CDH13: variants seen among roughly 807,000 people sequenced by gnomAD.
The protein encoded by CDH13 is cadherin-13.
CDH13 carries 24 observed loss-of-function variants against 63.8 expected under a neutral mutation model. The ratio of observed to expected loss-of-function variants is 0.38; its 90% confidence interval spans 0.27 to 0.53. CDH13 has a LOEUF of 0.53. CDH13 is among the 20% of genes least tolerant of loss of function. The pLI, the probability that CDH13 is intolerant of heterozygous loss-of-function variation, is 0.85. For missense variants in CDH13, 1,049 were observed against 903.1 expected, an observed-to-expected ratio of 1.16 and a Z score of -2.07; for synonymous variants, 503 against 355.3, an observed-to-expected ratio of 1.42 and a Z score of -4.67.
chr16:82,893,830 T>C (rs966469870), intron 2 of CDH13, among the ~76,000 whole-genome samples: 51 of 152,292 alleles, frequency 3.3e-4, no homozygotes, highest in African/African-American at 1.1e-3. Flanking sequence ...CTTCTTTCCA[T>C]GTGACTTATC....
At chr16:83,193,832 C>G (rs2038797008) in intron 4 of CDH13, among the ~76,000 whole-genome samples, 1 of 152,094 alleles carries the variant, frequency 6.6e-6, no homozygotes, top group South Asian at 2.1e-4. Context: ...GTTCTGCTTC[C>G]TTCTCTGTGA....
chr16:83,351,413 A>C (rs1311768455), intron 6 of CDH13, among the ~76,000 whole-genome samples: 2 of 151,844 alleles, frequency 1.3e-5, no homozygotes, highest in African/African-American at 4.8e-5. Flanking sequence ...TTGACATTTT[A>C]GTGAGTGCAG....
At chr16:82,902,573 A>G (rs995013493) in intron 2 of CDH13, among the ~76,000 whole-genome samples, 10 of 152,038 alleles carry the variant, frequency 6.6e-5, no homozygotes, top group African/African-American at 2.4e-4. Context: ...GAATGTGTTT[A>G]GCTTCTTAAC....
intron 1 of CDH13, among the ~76,000 whole-genome samples, chr16:82,805,993 A>T (rs755970402): frequency 6.6e-6 from 1 of 152,096 alleles, no homozygotes; most frequent in East Asian, 1.9e-4. Flanking sequence ...CTAGGTTTCT[A>T]TCTAATTTTC....
chr16:82,786,597 C>T (rs943089896), intron 1 of CDH13, among the ~76,000 whole-genome samples: 1 of 151,620 alleles, frequency 6.6e-6, no homozygotes, highest in African/African-American at 2.4e-5. Context: ...TGTTGGTGTG[C>T]TGCACCCGTT....
chr16:83,712,705 C>G (rs1908251855), intron 10 of CDH13, among the ~76,000 whole-genome samples: 2 of 152,198 alleles, frequency 1.3e-5, no homozygotes, highest in Admixed American at 1.3e-4. Flanking sequence ...TGGAAAAAGA[C>G]CATATTGCCA....
intron 8 of CDH13, among the ~76,000 whole-genome samples, chr16:83,651,286 A>C (rs1395851440): frequency 6.6e-6 from 1 of 152,188 alleles, no homozygotes; most frequent in Non-Finnish European, 1.5e-5. Flanking sequence ...GAAATTCCTT[A>C]AAATGATGTT....
At chr16:83,579,646 A>T (rs1419213612) in intron 7 of CDH13, among the ~76,000 whole-genome samples, 1 of 152,014 alleles carries the variant, frequency 6.6e-6, no homozygotes, top group Non-Finnish European at 1.5e-5. Context: ...CGGTGACCCA[A>T]ATCCAAACCG....
chr16:83,038,082 C>T (rs754912168), intron 3 of CDH13, among the ~76,000 whole-genome samples: 9 of 152,086 alleles, frequency 5.9e-5, no homozygotes, highest in Admixed American at 2.6e-4. Flanking sequence ...TAGGTGGGAC[C>T]GCCAGCCTAA....
At chr16:83,354,142 G>A (rs542725231) in intron 6 of CDH13, among the ~76,000 whole-genome samples, 1 of 152,286 alleles carries the variant, frequency 6.6e-6, no homozygotes, top group Admixed American at 6.5e-5. Flanking sequence ...AATTGGTGAC[G>A]GTTGAGCAGC....
intron 5 of CDH13, among the ~76,000 whole-genome samples, chr16:83,261,510 G>A (rs1906989832): frequency 6.6e-6 from 1 of 152,058 alleles, no homozygotes; most frequent in Non-Finnish European, 1.5e-5. Flanking sequence ...TAGGTGTCCA[G>A]TGTTCTGGAA....
chr16:82,979,639 C>A (rs905472785), intron 2 of CDH13, among the ~76,000 whole-genome samples: 2 of 152,162 alleles, frequency 1.3e-5, no homozygotes, highest in Non-Finnish European at 2.9e-5. Flanking sequence ...CCTGAGGCTT[C>A]CCAAGCCGTG....
intron 1 of CDH13, among the ~76,000 whole-genome samples, chr16:82,838,581 T>C (rs1473252981): frequency 6.6e-6 from 1 of 152,242 alleles, no homozygotes; most frequent in Non-Finnish European, 1.5e-5. Flanking sequence ...CTTCTGGGCT[T>C]TCCAAATCTC....
chr16:82,931,458 G>A (rs1022026330), intron 2 of CDH13, among the ~76,000 whole-genome samples: 3 of 151,266 alleles, frequency 2.0e-5, no homozygotes, highest in African/African-American at 7.3e-5. Flanking sequence ...CATAAATGAA[G>A]TTTAGAAGTT....
intron 1 of CDH13, among the ~76,000 whole-genome samples, chr16:82,730,737 A>G (rs530441334): frequency 1.3e-5 from 2 of 152,230 alleles, no homozygotes; most frequent in South Asian, 4.1e-4. Context: ...GCAAAATGAA[A>G]TAAAGTGAAG....
At position 83,513,392 on chromosome 16, in the gene CDH13, ACTT is replaced by A. The variant is rs149552758; in HGVS notation, c.960+26740_960+26742del. 8.4e-3 allele frequency among the ~76,000 whole-genome samples: 1,281 copies of A among 152,214 alleles called. 22 individuals are homozygous for A. The highest frequency in any genetic ancestry group is 0.03 in the African/African-American group (1,241 of 41,530). Reference sequence around the variant, plus strand: ...TCAATGGTGATCGTGGGCCTGGAAAACTTCTCCAAAAAGTGCAAACTTCTCCTG... The same window carrying A: ...TCAATGGTGATCGTGGGCCTGGAAAACTCCAAAAAGTGCAAACTTCTCCTG... On this transcript the variant is annotated intron_variant, in intron 7 of 13. Coordinates refer to ENST00000567109, the MANE Select transcript of CDH13 (RefSeq NM_001257.5).
At chr16:82,699,963 C>T (rs767054805) in intron 1 of CDH13, among the ~76,000 whole-genome samples, 4 of 152,202 alleles carry the variant, frequency 2.6e-5, no homozygotes, top group African/African-American at 9.6e-5. Context: ...CATTTGCCTG[C>T]AAGTTGCCAG....
At chr16:83,577,221 G>C (rs1028230320) in intron 7 of CDH13, among the ~76,000 whole-genome samples, 5 of 152,184 alleles carry the variant, frequency 3.3e-5, no homozygotes, top group African/African-American at 1.2e-4. Flanking sequence ...CATATAGGAA[G>C]GGTTAAACAG....
At chr16:83,677,040 C>T (rs1022713845) in intron 9 of CDH13, among the ~76,000 whole-genome samples, 5 of 152,192 alleles carry the variant, frequency 3.3e-5, no homozygotes, top group Non-Finnish European at 5.9e-5. Flanking sequence ...ATACCCATTA[C>T]GGCATGGGTC....
Sources: allele counts gnomAD v4.1 joint callset (sites outside exome capture counted in the v4.1 genomes callset), GRCh38; gene constraint gnomAD v4.1.1; transcripts MANE v1.5; gene names NCBI Gene and HGNC (gene_info 2026-07-23, HGNC 2026-07-21).